The following FCHO2 variants were observed in gnomAD, a reference collection of about 807,000 sequenced individuals.
The protein encoded by FCHO2 is F-BAR domain only protein 2.
FCHO2 carries 43 observed loss-of-function variants against 114.1 expected under a neutral mutation model. The observed-to-expected ratio is 0.38, with a 90% CI of 0.30 to 0.49. FCHO2 has a LOEUF of 0.49. FCHO2 is among the 20% of genes least tolerant of loss of function. The pLI is 0.97. For missense variants in FCHO2, 807 were observed against 950.4 expected, an observed-to-expected ratio of 0.85 and a Z score of 1.98; for synonymous variants, 293 against 315.2, an observed-to-expected ratio of 0.93 and a Z score of 0.75.
chr5:73,015,075 CAAAAAAAAAAAA>C (rs1001718712), intron 6 of FCHO2, among the ~76,000 whole-genome samples: 7 of 31,826 alleles, frequency 2.2e-4, no homozygotes, highest in African/African-American at 8.4e-4. Context: ...GACTCCGTCT[CAAAAAAAAAAAA>C]AAAAAAAAAA....
intron 17 of FCHO2, among the ~76,000 whole-genome samples, chr5:73,060,745 A>G (rs1757813999): frequency 2.0e-5 from 3 of 151,998 alleles, no homozygotes; most frequent in Admixed American, 1.3e-4. Flanking sequence ...CAATCAGTTA[A>G]TAACTGATAG....
intron 20 of FCHO2, 99 bp from the exon 21 acceptor site, chr5:73,077,235 CGTGT>C (rs967631847): frequency 3.5e-5 from 31 of 884,738 alleles, no homozygotes; most frequent in African/African-American, 5.1e-5. Flanking sequence ...CATATAGGTG[CGTGT>C]GTGTGTGCGC....
intron 10 of FCHO2, chr5:73,037,755 A>G: frequency 5.1e-6 from 2 of 391,646 alleles, no homozygotes; most frequent in Non-Finnish European, 4.9e-6. Flanking sequence ...AGTCTGATTT[A>G]CCTTCTTTTT....
chr5:73,054,667 C>T (rs912425075), intron 15 of FCHO2, 118 bp downstream of exon 15: 40 of 676,322 alleles, frequency 5.9e-5, no homozygotes, highest in Admixed American at 2.7e-4. Context: ...AGCCCTACTG[C>T]GTGGCTAGAA....
intron 2 of FCHO2, among the ~76,000 whole-genome samples, chr5:72,986,448 C>G (rs1015111063): frequency 7.2e-5 from 11 of 152,134 alleles, no homozygotes; most frequent in Non-Finnish European, 4.4e-5. Context: ...CTCAACTGAT[C>G]AGCTACCTCT....
chr5:73,060,668 G>C (rs1464037172), intron 17 of FCHO2, among the ~76,000 whole-genome samples: 1 of 151,960 alleles, frequency 6.6e-6, no homozygotes, highest in Non-Finnish European at 1.5e-5. Flanking sequence ...GTGCTCTCCT[G>C]TGTGTCTTTC....
intron 8 of FCHO2, among the ~76,000 whole-genome samples, chr5:73,032,779 T>C (rs550202169): frequency 1.3e-5 from 2 of 152,314 alleles, no homozygotes; most frequent in Admixed American, 6.5e-5. Context: ...GTAGAAATTA[T>C]GTGGATGTGT....
At chr5:73,068,995 C>T (rs1020662989) in intron 19 of FCHO2, among the ~76,000 whole-genome samples, 19 of 151,846 alleles carry the variant, frequency 1.3e-4, no homozygotes, top group Non-Finnish European at 1.9e-4. Context: ...TGGTTAGCAC[C>T]GTTAAGAATG....
At position 73,006,506 on chromosome 5, in the gene FCHO2, T is replaced by C; in HGVS notation, c.557T>C (p.Leu186Ser). Residue 186 changes from leucine to serine, a missense_variant, in exon 6 of 26, where the codon TTA becomes TCA. Leu to Ser is a moderately radical substitution (Grantham distance 145). Transcript: ENST00000430046. ...TYKLYVEKYA[L>S]AKADFEQKMT... is the part of the protein sequence containing the mutation. ...AAACTCTATGTGGAAAAATATGCAT[T>C]AGCAAAAGCTGATTTCGAACAGAAA... 1 of 1,576,810 alleles carries C rather than the reference T, an allele frequency of 6.3e-7. No homozygotes were observed. The highest frequency in any genetic ancestry group is 1.9e-5 in the Admixed American group (1 of 53,314).
chr5:73,052,037 C>T (rs961823946), intron 12 of FCHO2, among the ~76,000 whole-genome samples: 1 of 152,082 alleles, frequency 6.6e-6, no homozygotes, highest in African/African-American at 2.4e-5. Flanking sequence ...GATTCTCATG[C>T]CTCAGCCTCC....
intron 1 of FCHO2, among the ~76,000 whole-genome samples, chr5:72,965,150 G>T (rs1283926704): frequency 6.6e-6 from 1 of 152,118 alleles, no homozygotes; most frequent in Non-Finnish European, 1.5e-5. Flanking sequence ...GTATTGATGA[G>T]AAGAGGTTGT....
chr5:73,077,636 C>A, intron 21 of FCHO2, 143 bp downstream of exon 21: 1 of 885,008 alleles, frequency 1.1e-6, no homozygotes, highest in Non-Finnish European at 1.6e-6. Context: ...TCAAAACCAG[C>A]CTGAGCAATG....
chr5:73,077,660 T>C (rs759298045), intron 21 of FCHO2, among the ~76,000 whole-genome samples, 167 bp downstream of exon 21: 33 of 151,808 alleles, frequency 2.2e-4, no homozygotes, highest in Non-Finnish European at 4.0e-4. Context: ...CAAAACCCCA[T>C]CTCTACCAAA....
chr5:73,007,944 T>C (rs553687147), intron 6 of FCHO2, among the ~76,000 whole-genome samples: 1 of 152,182 alleles, frequency 6.6e-6, no homozygotes, highest in African/African-American at 2.4e-5. Flanking sequence ...AAGAAATTAA[T>C]AGGGCAAGAG....
At chr5:72,980,904 G>A (rs758916608) in intron 2 of FCHO2, among the ~76,000 whole-genome samples, 9 of 152,158 alleles carry the variant, frequency 5.9e-5, no homozygotes, top group South Asian at 2.1e-4. Context: ...TCCAATTTGC[G>A]AGTCTTTGTC....
intron 8 of FCHO2, among the ~76,000 whole-genome samples, chr5:73,028,336 G>A (rs528212303): frequency 3.3e-5 from 5 of 152,222 alleles, no homozygotes; most frequent in South Asian, 4.1e-4. Context: ...AAATTTAAGC[G>A]TACACTTACC....
chr5:73,008,949 C>T (rs1209935733), intron 6 of FCHO2, among the ~76,000 whole-genome samples: 2 of 152,150 alleles, frequency 1.3e-5, no homozygotes, highest in Non-Finnish European at 2.9e-5. Context: ...TAAGGATTAT[C>T]AGACCATATA....
chr5:73,020,699 A>C, intron 8 of FCHO2: 2 of 1,212,454 alleles, frequency 1.6e-6, no homozygotes. Flanking sequence ...TCTGTCCTTT[A>C]GTGAAGAAAT....
rs115878987 is a variant in FCHO2 at position 72,976,119 on chromosome 5, C to T, written c.125+7530C>T. On this transcript the variant is annotated intron_variant, in intron 2 of 25. Transcript: ENST00000430046. ...ATGAATTAGAGTTCTTATTGCCCCA[C>T]ATCCTTGCCAGCATTTGGAGTGGTC... 1.8e-3 allele frequency among the ~76,000 whole-genome samples: 272 copies of T among 152,314 alleles called. 2 individuals are homozygous for T. The highest frequency in any genetic ancestry group is 6.3e-3 in the African/African-American group (261 of 41,572).
Sources: allele counts gnomAD v4.1 joint callset (sites outside exome capture counted in the v4.1 genomes callset), GRCh38; gene constraint gnomAD v4.1.1; transcripts MANE v1.5; gene names NCBI Gene and HGNC (gene_info 2026-07-23, HGNC 2026-07-21).